Variants in DOCK6 observed in about 807,000 individuals in gnomAD.
The protein encoded by DOCK6 is dedicator of cytokinesis protein 6.
A neutral mutation model predicts 230.3 loss-of-function variants in DOCK6; 167 were observed. The ratio of observed to expected loss-of-function variants is 0.73; its 90% CI spans 0.64 to 0.82. The LOEUF (loss-of-function observed/expected upper bound fraction) is 0.82, where lower values mean the gene tolerates loss of function less well. Among genes scored for constraint, DOCK6 ranks in the 40% least tolerant of loss-of-function variants. DOCK6 has a pLI of 0.00. For missense variants in DOCK6, 2,598 were observed against 2,825.8 expected (o/e 0.92, Z 1.83); for synonymous variants, 1,148 against 1,185.0 (o/e 0.97, Z 0.64).
rs2079880469 is a variant in DOCK6 at position 11,238,122 on chromosome 19, G to C, written c.1762-7C>G. On this transcript the variant is annotated splice_polypyrimidine_tract_variant and splice_region_variant and intron_variant, in intron 15 of 47. Coordinates refer to ENST00000294618, the MANE Select transcript of DOCK6 (RefSeq NM_020812.4). ...TGGACTTGCCAAAGATGACCTGGGA[G>C]AGTGGATTCATGAGGGACCCATGGG... 6.2e-7 allele frequency: 1 copy of C among 1,613,978 alleles called. No homozygotes were observed. The highest frequency in any genetic ancestry group is 8.5e-7 in the Non-Finnish European group (1 of 1,179,872).
At position 11,236,467 on chromosome 19, in the gene DOCK6, C is replaced by T. The variant is rs754443058; in HGVS notation, c.2271G>A (p.Leu757=). The T allele has an allele frequency of 1.2e-5, 19 of 1,595,760 alleles. No individual in the cohort carries two copies. Among genetic ancestry groups the T allele is most frequent in the Non-Finnish European group, 1.6e-5 (19 of 1,171,952 alleles). The change falls in exon 20 of 48, where the codon CTG becomes CTA. Residue 757 remains leucine (L), a synonymous_variant. Transcript: ENST00000294618. The surrounding 1 kb of genome is among the most constrained non-coding windows in gnomAD (Gnocchi z 5.2). The stretch of plus-strand genomic sequence containing the variant: ...GGCGCAGTGCTGCAAGACTGGCCCG[C>T]AGCTCCTGCTCCACGTTGCCCTCGC... ...VLSEGNVEQE[L]RASLAALRLA...
Position 11,243,720 on chromosome 19 carries a change from G to T in DOCK6, c.1105-10C>A. 6.2e-7 allele frequency: 1 copy of T among 1,613,900 alleles called. No individual in the cohort carries two copies. Among genetic ancestry groups the T allele is most frequent in the Non-Finnish European group, 8.5e-7 (1 of 1,179,850 alleles). ...CTAGCTTCTCTTTGTTCTGTGGGGA[G>T]ACCCCGTCCCCTGCCAGCTCAGCAT... On this transcript the variant is annotated splice_polypyrimidine_tract_variant and intron_variant, in intron 10 of 47. Transcript: ENST00000294618. The surrounding 1 kb of genome is among the most constrained non-coding windows in gnomAD (Gnocchi z 6.3).
intron 1 of DOCK6, among the ~76,000 whole-genome samples, chr19:11,257,482 TAAAA>T (rs35933920): frequency 1.3e-5 from 1 of 78,602 alleles, no homozygotes; most frequent in Non-Finnish European, 2.3e-5. Flanking sequence ...CACTGTCTCT[TAAAA>T]AAAAAAAAAA....
At position 11,209,002 on chromosome 19, in the gene DOCK6, T is replaced by C. The variant is rs764672180; in HGVS notation, c.4853A>G (p.Gln1618Arg). ...AELGNHAEAA[Q>R]CMVHAAALVA... is the part of the protein sequence containing the mutation. ...GAGGGCGGCCGCGTGCACCATGCAC[T>C]GGGCGGCCTCGGCGTGGTTGCCCAG... The change falls in exon 38 of 48, where the codon CAG becomes CGG. Residue 1618 changes from glutamine to arginine, a missense_variant. Gln to Arg is a conservative substitution (Grantham distance 43, BLOSUM62 1). Transcript: ENST00000294618. 1 of 1,611,506 alleles carries C rather than the reference T, an allele frequency of 6.2e-7. No homozygotes were observed. The highest frequency in any genetic ancestry group is 1.7e-5 in the Admixed American group (1 of 59,776).
rs372042515 is a variant in DOCK6 at position 11,202,745 on chromosome 19, G to T, written c.5236-36C>A. 1.9e-6 allele frequency: 3 copies of T among 1,610,672 alleles called. No homozygotes were observed. Among genetic ancestry groups the T allele is most frequent in the East Asian group, 2.2e-5 (1 of 44,886 alleles). Reference sequence around the variant, plus strand: ...GAGAAAGGGTGTGGTTGTCCGGGAGGCCCCTGCTGGAGGTCTCCCTGCCCC... The same window carrying T: ...GAGAAAGGGTGTGGTTGTCCGGGAGTCCCCTGCTGGAGGTCTCCCTGCCCC... On this transcript the variant is annotated intron_variant, in intron 41 of 47. Transcript: ENST00000294618. This position sits in a 1 kb window ranked among gnomAD's most constrained non-coding sequence, Gnocchi z 5.3.
At chr19:11,208,415 G>A (rs1600854677) in intron 39 of DOCK6, 1 of 273,760 alleles carries the variant, frequency 3.7e-6, no homozygotes, top group East Asian at 7.0e-5. Context: ...CGAGTAGCTG[G>A]GATTACAGCC....
intron 9 of DOCK6, among the ~76,000 whole-genome samples, chr19:11,244,450 G>GTTT (rs1252244512): frequency 1.2e-4 from 8 of 68,298 alleles, no homozygotes; most frequent in African/African-American, 2.9e-4. Flanking sequence ...ACCACACCTG[G>GTTT]CTTTTTTTTT....
At position 11,201,840 on chromosome 19, in the gene DOCK6, G is replaced by T; in HGVS notation, c.5688+49C>A. On this transcript the variant is annotated intron_variant, in intron 44 of 47. Transcript: ENST00000294618. The surrounding 1 kb of genome is among the most constrained non-coding windows in gnomAD (Gnocchi z 4.3). ...ACCCTCCCCTCCCCTCCCAGGGTCT[G>T]ATGTCCCCTCACCTCCCCACCCCCG... is the stretch of plus-strand genomic sequence containing the variant. The T allele has an allele frequency of 1.5e-6, 2 of 1,292,516 alleles. No homozygotes were observed. Among genetic ancestry groups the T allele is most frequent in the South Asian group, 1.3e-5 (1 of 76,304 alleles). The allele number at this position is 1,292,516 out of a possible 1,614,324, so 80.1% of individuals were successfully genotyped here.
chr19:11,252,479 C>T lies in DOCK6; in HGVS notation c.377+3G>A, dbSNP rs553480473. 7.4e-5 allele frequency: 119 copies of T among 1,613,896 alleles called. 1 individual carries two copies. In the South Asian group the frequency reaches 1.3e-3, roughly 17 times the overall value. On this transcript the variant is annotated splice_donor_region_variant and intron_variant, in intron 4 of 47. Coordinates refer to ENST00000294618, the MANE Select transcript of DOCK6 (RefSeq NM_020812.4). ...CCCTGAGCTGCCCCTAAGTCAGACTCACCTTCTGTGGACAATGACCCAGTC... is the reference window on the plus strand; with the variant it reads ...CCCTGAGCTGCCCCTAAGTCAGACTTACCTTCTGTGGACAATGACCCAGTC...
At chr19:11,208,658 C>T in intron 39 of DOCK6, 28 bp downstream of exon 39, 2 of 1,600,084 alleles carry the variant, frequency 1.2e-6, no homozygotes, top group Admixed American at 1.7e-5. Context: ...CGAGCCCCCT[C>T]TCCTGCACCC....
intron 21 of DOCK6, among the ~76,000 whole-genome samples, chr19:11,235,171 G>A (rs946989705): frequency 5.3e-5 from 8 of 151,948 alleles, no homozygotes; most frequent in Non-Finnish European, 1.0e-4. Context: ...GCTGGAGTGC[G>A]GTGGCATGAC....
chr19:11,249,180 G>C (rs1262815629), intron 6 of DOCK6, among the ~76,000 whole-genome samples: 4 of 152,112 alleles, frequency 2.6e-5, no homozygotes, highest in African/African-American at 9.7e-5. Context: ...ATATACAGTT[G>C]GTACCCAATA....
chr19:11,227,756 G>A (rs967296827), intron 23 of DOCK6, among the ~76,000 whole-genome samples: 2 of 152,084 alleles, frequency 1.3e-5, no homozygotes, highest in Admixed American at 6.6e-5. Flanking sequence ...TAAGAAAGCC[G>A]TGGGCAGATC....
intron 22 of DOCK6, 63 bp downstream of exon 22, chr19:11,233,140 C>T (rs1398807660): frequency 8.9e-6 from 14 of 1,567,914 alleles, no homozygotes; most frequent in East Asian, 2.3e-5. Flanking sequence ...ACAGATTCTT[C>T]GCCCACACAC....
rs766786731 is a variant in DOCK6, at chr19:11,253,670, TG to T, written c.100del (p.His34ThrfsTer14). ...GGAGCTGCTGCAGCGCCTGCTGGAG[TG>T]GGGGGAGCCACTGCGTTCCCGGGAC... ...QVSRERSGSP[H>X]SSRRCSSSLG... On this transcript the variant is annotated frameshift_variant, in exon 2 of 48. Coordinates refer to ENST00000294618, the MANE Select transcript of DOCK6 (RefSeq NM_020812.4). LOFTEE classifies it high-confidence loss of function. The T allele has an allele frequency of 4.1e-6, 6 of 1,458,598 alleles. No individual in the cohort carries two copies. The highest frequency in any genetic ancestry group is 1.5e-5 in the South Asian group (1 of 68,042). 90.4% of individuals were successfully genotyped at this position (1,458,598 alleles called of 1,614,324 possible). A position where few individuals can be genotyped will look rare whatever the true frequency, so the allele number is the denominator to read the frequency against.
chr19:11,250,139 T>C (rs2080094930), intron 6 of DOCK6, among the ~76,000 whole-genome samples: 1 of 149,928 alleles, frequency 6.7e-6, no homozygotes, highest in African/African-American at 2.5e-5. Flanking sequence ...GCCTTCAGAG[T>C]AGCTGGGATT....
rs776155270 is a variant in DOCK6 at position 11,204,326 on chromosome 19, C to A, written c.5094G>T (p.Gly1698=). ...AGACCTCATTCACCGCCTCGTAGAG[C>A]CCGCCCTGAGGGTGAGGTGGGGTCA... is the stretch of plus-strand genomic sequence containing the variant. ...EQAAGYFTMG[G]LYEAVNEVYK... is the part of the protein sequence containing the mutation. The change falls in exon 40 of 48, where the codon GGG becomes GGT. Residue 1698 remains glycine, a synonymous_variant. Transcript: ENST00000294618. 35 of 1,611,626 alleles carry A rather than the reference C, an allele frequency of 2.2e-5. No homozygotes were observed. The Admixed American group carries it at 4.8e-4, about 22-fold the overall frequency.
At chr19:11,227,714 GTGGGTGGGGCTTGTGACCTA>G (rs1406121546) in intron 23 of DOCK6, among the ~76,000 whole-genome samples, 1 of 152,136 alleles carries the variant, frequency 6.6e-6, no homozygotes, top group Non-Finnish European at 1.5e-5. Context: ...CCTGAGGGAT[GTGGGTGGGGCTTGTGACCTA>G]TGGATGGGGC....
chr19:11,212,887 T>A lies in DOCK6; in HGVS notation c.4491+289A>T, dbSNP rs1265415478. ...GCCCTTTTTTTTTTTTTTTTTTTTT[T>A]ATTGAGACAAGGTCTCACTCTTGCT... On this transcript the variant is annotated intron_variant, in intron 35 of 47. Coordinates refer to ENST00000294618, the MANE Select transcript of DOCK6 (RefSeq NM_020812.4). Among the ~76,000 whole-genome samples the A allele has an allele frequency of 2.1e-3, 202 of 95,612 alleles. 2 individuals are homozygous for A. Among genetic ancestry groups the A allele is most frequent in the African/African-American group, 7.3e-3 (180 of 24,764 alleles). The allele number at this position is 95,612 out of a possible 152,430, so 62.7% of individuals were successfully genotyped here.
Sources: gnomAD v4.1 joint callset for allele counts (sites outside exome capture counted in the v4.1 genomes callset) on GRCh38, gnomAD v4.1.1 for gene constraint, Gnocchi (gnomAD v3.1) non-coding constraint, MANE v1.5 for transcripts, NCBI Gene and HGNC (gene_info 2026-07-23, HGNC 2026-07-21) for gene names.